Variants in FAM78B observed in about 807,000 individuals in gnomAD.
FAM78B encodes family with sequence similarity 78 member B, also known as protein FAM78B.
A neutral mutation model predicts 20.0 loss-of-function variants in FAM78B; 10 were observed. The observed-to-expected ratio is 0.50, with a 90% CI of 0.31 to 0.85. The LOEUF is 0.85. Ranked by LOEUF, FAM78B falls within the 40% of genes least tolerant of loss-of-function variation. The pLI, the probability that FAM78B is intolerant of heterozygous loss-of-function variation, is 0.05. For missense variants in FAM78B, 283 were observed against 345.0 expected (o/e 0.82, Z 1.42); for synonymous variants, 135 against 132.8 (o/e 1.02, Z -0.12).
intron 1 of FAM78B, among the ~76,000 whole-genome samples, chr1:166,100,929 T>C (rs1398274592): frequency 6.6e-6 from 1 of 152,200 alleles, no homozygotes; most frequent in Non-Finnish European, 1.5e-5. Context: ...GTAGCCTAAC[T>C]GGGAGGCACC....
At chr1:166,070,879 AGGGG>A in intron 1 of FAM78B, 116 bp from the exon 2 acceptor site, 6 of 1,170,944 alleles carry the variant, frequency 5.1e-6, no homozygotes, top group Non-Finnish European at 5.8e-6. Flanking sequence ...GGAAGTTCAC[AGGGG>A]GAATTCAGGG....
At chr1:166,153,053 A>C (rs1190379846) in intron 1 of FAM78B, among the ~76,000 whole-genome samples, 1 of 152,042 alleles carries the variant, frequency 6.6e-6, no homozygotes, top group Non-Finnish European at 1.5e-5. Flanking sequence ...ATCACAAGTA[A>C]TTTTCTTTAT....
chr1:166,088,657 A>G (rs1652937493), intron 1 of FAM78B, among the ~76,000 whole-genome samples: 1 of 152,210 alleles, frequency 6.6e-6, no homozygotes, highest in Non-Finnish European at 1.5e-5. Context: ...GCTATGGCCA[A>G]GTCATTCCCA....
chr1:166,123,363 T>G (rs994483101), intron 1 of FAM78B, among the ~76,000 whole-genome samples: 2 of 152,216 alleles, frequency 1.3e-5, no homozygotes, highest in African/African-American at 4.8e-5. Context: ...GTTTCTCAGG[T>G]CAACCCCTCT....
At chr1:166,139,965 T>C (rs1426509579) in intron 1 of FAM78B, among the ~76,000 whole-genome samples, 1 of 152,010 alleles carries the variant, frequency 6.6e-6, no homozygotes, top group African/African-American at 2.4e-5. Flanking sequence ...AGAGGAACCT[T>C]GGAGGAAGGA....
At chr1:166,107,327 T>A (rs1024524950) in intron 1 of FAM78B, among the ~76,000 whole-genome samples, 1 of 152,100 alleles carries the variant, frequency 6.6e-6, no homozygotes, top group African/African-American at 2.4e-5. Flanking sequence ...ATATTACAAC[T>A]GACACCACTG....
intron 1 of FAM78B, among the ~76,000 whole-genome samples, chr1:166,143,271 T>C (rs1292111340): frequency 6.6e-6 from 1 of 152,082 alleles, no homozygotes; most frequent in African/African-American, 2.4e-5. Flanking sequence ...GGGAGGGCTC[T>C]GGGGAGATGC....
At chr1:166,095,820 G>T (rs1053615093) in intron 1 of FAM78B, among the ~76,000 whole-genome samples, 23 of 152,286 alleles carry the variant, frequency 1.5e-4, no homozygotes, top group African/African-American at 4.6e-4. Flanking sequence ...TGTTGGGGTG[G>T]TGACGAGTAG....
At chr1:166,127,139 T>C (rs1389112347) in intron 1 of FAM78B, among the ~76,000 whole-genome samples, 3 of 152,160 alleles carry the variant, frequency 2.0e-5, no homozygotes, top group African/African-American at 7.2e-5. Flanking sequence ...ATGGAGAAAA[T>C]CACTCCTGCT....
At chr1:166,131,313 G>A (rs1325141877) in intron 1 of FAM78B, among the ~76,000 whole-genome samples, 1 of 152,042 alleles carries the variant, frequency 6.6e-6, no homozygotes, top group African/African-American at 2.4e-5. Flanking sequence ...CCCCCTAGGT[G>A]CTTTTTAATA....
intron 1 of FAM78B, among the ~76,000 whole-genome samples, chr1:166,119,190 A>G (rs79039142): frequency 0.017 from 2,550 of 152,290 alleles, 79 homozygotes; most frequent in African/African-American, 0.058. Context: ...TTTTCCAACA[A>G]AAGGACACAT....
chr1:166,118,454 C>T (rs1427730516), intron 1 of FAM78B, among the ~76,000 whole-genome samples: 4 of 152,126 alleles, frequency 2.6e-5, no homozygotes, highest in Non-Finnish European at 5.9e-5. Context: ...GTTTTGTCTT[C>T]ATAAGATAAA....
At chr1:166,145,611 C>T (rs907097110) in intron 1 of FAM78B, among the ~76,000 whole-genome samples, 2 of 152,194 alleles carry the variant, frequency 1.3e-5, no homozygotes, top group African/African-American at 4.8e-5. Context: ...TAAGACAGGC[C>T]ACAATGCATT....
In FAM78B at chr1:166,069,858, A is replaced by T; in HGVS notation, c.*383T>A. ...ACCTGGTGTGGATGTTTTCACTCCT[A>T]CTTCTAATTGGCTGGGAAGCAGCAT... is the stretch of plus-strand genomic sequence containing the variant. On this transcript the variant is annotated 3_prime_UTR_variant, in exon 2 of 2. Coordinates refer to ENST00000354422, the MANE Select transcript of FAM78B (RefSeq NM_001017961.5). 2.2e-6 allele frequency: 1 copy of T among 460,202 alleles called. No individual in the cohort carries two copies. Among genetic ancestry groups the T allele is most frequent in the African/African-American group, 2.1e-5 (1 of 47,218 alleles). 28.5% of individuals were successfully genotyped at this position (460,202 alleles called of 1,614,324 possible).
At chr1:166,135,258 GTA>G (rs1343312700) in intron 1 of FAM78B, among the ~76,000 whole-genome samples, 9 of 152,220 alleles carry the variant, frequency 5.9e-5, no homozygotes, top group Non-Finnish European at 1.3e-4. Flanking sequence ...GGGCAGGAAT[GTA>G]TAAACTATAA....
chr1:166,165,597 C>G (rs1262229900), intron 1 of FAM78B, among the ~76,000 whole-genome samples: 3 of 152,132 alleles, frequency 2.0e-5, no homozygotes, highest in Non-Finnish European at 4.4e-5. Context: ...GCACTCCACT[C>G]CACTCCTCTA....
At chr1:166,126,719 A>G (rs1557909753) in intron 1 of FAM78B, among the ~76,000 whole-genome samples, 1 of 152,128 alleles carries the variant, frequency 6.6e-6, no homozygotes, top group Non-Finnish European at 1.5e-5. Flanking sequence ...ATAATACATG[A>G]TAATTATTGC....
At chr1:166,065,444 TTAA>T (rs1365948035), downstream of FAM78B, among the ~76,000 whole-genome samples, 1 of 152,246 alleles carries the variant, frequency 6.6e-6, no homozygotes, top group African/African-American at 2.4e-5. Flanking sequence ...GTTGTTACTA[TTAA>T]TAACAACAAT....
intron 1 of FAM78B, among the ~76,000 whole-genome samples, chr1:166,079,340 C>G (rs1249817228): frequency 6.6e-6 from 1 of 152,182 alleles, no homozygotes; most frequent in Non-Finnish European, 1.5e-5. Flanking sequence ...CGAGAACACT[C>G]TCTGGGTACC....
Sources: allele counts gnomAD v4.1 joint callset (sites outside exome capture counted in the v4.1 genomes callset), GRCh38; gene constraint gnomAD v4.1.1; transcripts MANE v1.5; gene names NCBI Gene and HGNC (gene_info 2026-07-23, HGNC 2026-07-21).